Variants in LGSN observed in about 807,000 individuals in gnomAD.
The protein encoded by LGSN is lengsin.
In LGSN, 21 loss-of-function variants were observed where a neutral mutation model predicts 19.5. That is an observed-to-expected ratio of 1.07 (90% CI 0.76 to 1.55). The LOEUF (loss-of-function observed/expected upper bound fraction) is 1.55, where lower values mean the gene tolerates loss of function less well. Among genes scored for constraint, LGSN ranks in the 40% most tolerant of loss-of-function variants. The pLI is 0.00. For missense variants in LGSN, 673 were observed against 608.5 expected, an observed-to-expected ratio of 1.11 and a Z score of -1.12; for synonymous variants, 257 against 215.6, an observed-to-expected ratio of 1.19 and a Z score of -1.68.
chr6:63,526,925 A>C, the LGSN span, among the ~76,000 whole-genome samples: 1 of 151,140 alleles, frequency 6.6e-6, no homozygotes, highest in Non-Finnish European at 1.5e-5. Context: ...ATTTATATGT[A>C]AGGGCATCCA....
chr6:63,529,649 C>G, the LGSN span, among the ~76,000 whole-genome samples: 2 of 152,154 alleles, frequency 1.3e-5, no homozygotes, highest in Admixed American at 1.3e-4. Flanking sequence ...GAGCAGCCAA[C>G]CCTGTTTGCA....
the LGSN span, chr6:63,441,269 G>A: frequency 3.8e-5 from 15 of 391,012 alleles, no homozygotes; most frequent in African/African-American, 2.1e-4. Flanking sequence ...ACCTGGCGAA[G>A]CTAGACCTTA....
At chr6:63,572,515 C>T in the LGSN span, 4 of 391,118 alleles carry the variant, frequency 1.0e-5, 1 homozygote, top group South Asian at 2.5e-4. Flanking sequence ...CGGCTGCGGG[C>T]CGGCTCGGCT....
At chr6:63,374,262 T>TC in the LGSN span, among the ~76,000 whole-genome samples, 7 of 152,188 alleles carry the variant, frequency 4.6e-5, no homozygotes, top group Admixed American at 4.6e-4. Flanking sequence ...ATTATTTGCA[T>TC]CATTTTTTTC....
chr6:63,329,933 G>A, the LGSN span, among the ~76,000 whole-genome samples: 1 of 152,210 alleles, frequency 6.6e-6, no homozygotes, highest in African/African-American at 2.4e-5. Flanking sequence ...CAGTCATCCA[G>A]GACAGGAGAT....
the LGSN span, among the ~76,000 whole-genome samples, chr6:63,385,781 A>C: frequency 6.6e-6 from 1 of 152,322 alleles, no homozygotes; most frequent in Non-Finnish European, 1.5e-5. Context: ...CAGTTCCAAA[A>C]TGTAGGCAAA....
the LGSN span, chr6:63,395,662 A>T: frequency 6.5e-6 from 1 of 153,308 alleles, no homozygotes; most frequent in Non-Finnish European, 1.5e-5. Context: ...CAGTGACTGG[A>T]GGTGAGTGTG....
the LGSN span, among the ~76,000 whole-genome samples, chr6:63,513,346 G>T: frequency 2.6e-5 from 4 of 152,174 alleles, no homozygotes; most frequent in East Asian, 7.7e-4. Context: ...AAAAGCAAAG[G>T]AGTCTAGGAA....
At chr6:63,393,278 C>T in the LGSN span, among the ~76,000 whole-genome samples, 1 of 151,972 alleles carries the variant, frequency 6.6e-6, no homozygotes, top group South Asian at 2.1e-4. Context: ...AGCTATTCTC[C>T]TGCCTCAGCC....
chr6:63,419,818 G>A, the LGSN span, among the ~76,000 whole-genome samples: 8 of 141,902 alleles, frequency 5.6e-5, no homozygotes, highest in African/African-American at 1.9e-4. Flanking sequence ...AAACAGGGGG[G>A]CAGAGGTTGC....
chr6:63,475,264 T>C, the LGSN span, among the ~76,000 whole-genome samples: 1 of 150,782 alleles, frequency 6.6e-6, no homozygotes, highest in Admixed American at 6.6e-5. Context: ...TGGCATGCTG[T>C]TGCAGTGACT....
the LGSN span, among the ~76,000 whole-genome samples, chr6:63,327,362 C>T: frequency 2.0e-5 from 3 of 152,238 alleles, no homozygotes; most frequent in Admixed American, 1.3e-4. Flanking sequence ...AGCCATGTTG[C>T]CCAACTCCAG....
chr6:63,401,496 A>G, the LGSN span, among the ~76,000 whole-genome samples: 1 of 152,184 alleles, frequency 6.6e-6, no homozygotes, highest in Non-Finnish European at 1.5e-5. Flanking sequence ...CCATCACAAG[A>G]TGTCCATTAA....
chr6:63,350,678 G>C, the LGSN span, among the ~76,000 whole-genome samples: 4,017 of 151,828 alleles, frequency 0.026, 174 homozygotes, highest in African/African-American at 0.093. Flanking sequence ...ATGGTGAAAC[G>C]CTCTCTCTAC....
the LGSN span, among the ~76,000 whole-genome samples, chr6:63,421,561 C>T: frequency 3.9e-5 from 6 of 152,072 alleles, no homozygotes; most frequent in Non-Finnish European, 8.8e-5. Context: ...AACCTCGTCT[C>T]TACTAAAAAT....
the LGSN span, among the ~76,000 whole-genome samples, chr6:63,561,236 A>G: frequency 6.6e-6 from 1 of 152,180 alleles, no homozygotes; most frequent in Non-Finnish European, 1.5e-5. Context: ...TACTTGTATG[A>G]CCCTAAGCTT....
At chr6:63,443,258 G>A in the LGSN span, among the ~76,000 whole-genome samples, 93 of 152,322 alleles carry the variant, frequency 6.1e-4, no homozygotes, top group Admixed American at 1.8e-3. Context: ...TGCCGAGCCC[G>A]CGCCCACCTG....
chr6:63,293,735 T>C (rs891868109), intron 2 of LGSN: 1 of 456,656 alleles, frequency 2.2e-6, no homozygotes, highest in Admixed American at 2.3e-5. Context: ...GTTTTATCAC[T>C]GTTGTCTCAT....
At chr6:63,357,344 A>G in the LGSN span, among the ~76,000 whole-genome samples, 1 of 152,144 alleles carries the variant, frequency 6.6e-6, no homozygotes, top group Non-Finnish European at 1.5e-5. Context: ...TTGGGTGTAT[A>G]CCCAGTAATG....
Sources: gnomAD v4.1 joint callset for allele counts (sites outside exome capture counted in the v4.1 genomes callset) on GRCh38, gnomAD v4.1.1 for gene constraint, MANE v1.5 for transcripts, NCBI Gene and HGNC (gene_info 2026-07-23, HGNC 2026-07-21) for gene names.